Variants in MANBAL observed in about 807,000 individuals in gnomAD.
The protein encoded by MANBAL is mannosidase beta like.
In MANBAL, 1 loss-of-function variant was observed where a neutral mutation model predicts 6.4. The observed-to-expected ratio is 0.16, with a 90% CI of 0.06 to 0.74. MANBAL has a LOEUF of 0.74. Among genes scored for constraint, MANBAL ranks in the 30% least tolerant of loss-of-function variants. The pLI, the probability that MANBAL is intolerant of heterozygous loss-of-function variation, is 0.78. For synonymous variants in MANBAL, 47 were observed against 45.8 expected, an observed-to-expected ratio of 1.03 and a Z score of -0.10; for missense variants, 100 against 107.8, an observed-to-expected ratio of 0.93 and a Z score of 0.32.
At chr20:37,298,391 C>T (rs1185609632) in intron 1 of MANBAL, among the ~76,000 whole-genome samples, 1 of 152,110 alleles carries the variant, frequency 6.6e-6, no homozygotes, top group Non-Finnish European at 1.5e-5. Context: ...ACAATATCTC[C>T]CCATTTCCCT....
At chr20:37,291,348 C>G (rs947776641) in intron 1 of MANBAL, among the ~76,000 whole-genome samples, 1 of 152,132 alleles carries the variant, frequency 6.6e-6, no homozygotes, top group Non-Finnish European at 1.5e-5. Flanking sequence ...ACTTTATTCA[C>G]ATTTCCTTAG....
chr20:37,300,935 G>A (rs368435605), intron 1 of MANBAL, among the ~76,000 whole-genome samples: 2 of 152,106 alleles, frequency 1.3e-5, no homozygotes, highest in African/African-American at 4.8e-5. Context: ...CTGAGGTCAG[G>A]AGTTCAAGAC....
At chr20:37,307,073 G>T (rs1052910297) in intron 2 of MANBAL, among the ~76,000 whole-genome samples, 16 of 152,086 alleles carry the variant, frequency 1.1e-4, no homozygotes, top group African/African-American at 3.9e-4. Flanking sequence ...TGATCCTCCC[G>T]TCCTCTGCCT....
At chr20:37,291,632 C>G (rs889092075) in intron 1 of MANBAL, among the ~76,000 whole-genome samples, 1 of 152,142 alleles carries the variant, frequency 6.6e-6, no homozygotes, top group Non-Finnish European at 1.5e-5. Flanking sequence ...TGTCCCCACC[C>G]AAATCTCATC....
chr20:37,289,822 A>G (rs2068822365), intron 1 of MANBAL, 136 bp downstream of exon 1: 1 of 152,246 alleles, frequency 6.6e-6, no homozygotes, highest in Admixed American at 6.5e-5. Flanking sequence ...CAGGGCCTGA[A>G]TACGTTCCCT....
At chr20:37,293,167 A>G (rs1160456267) in intron 1 of MANBAL, among the ~76,000 whole-genome samples, 5 of 152,086 alleles carry the variant, frequency 3.3e-5, no homozygotes, top group Admixed American at 2.0e-4. Flanking sequence ...TGGTTTTGGG[A>G]TGATTCAAGT....
At chr20:37,306,827 T>C (rs539031170) in intron 2 of MANBAL, among the ~76,000 whole-genome samples, 1 of 152,318 alleles carries the variant, frequency 6.6e-6, no homozygotes, top group East Asian at 1.9e-4. Context: ...GATTAGAGAA[T>C]GACAGTGCCG....
chr20:37,292,717 G>A (rs1313731052), intron 1 of MANBAL, among the ~76,000 whole-genome samples: 2 of 152,206 alleles, frequency 1.3e-5, no homozygotes, highest in African/African-American at 4.8e-5. Context: ...TCTTCCACTT[G>A]GCTCCTGTAT....
intron 2 of MANBAL, among the ~76,000 whole-genome samples, chr20:37,312,184 TC>T (rs2069405568): frequency 6.6e-6 from 1 of 152,090 alleles, no homozygotes; most frequent in South Asian, 2.1e-4. Flanking sequence ...CACAGAAGAC[TC>T]CCTTCAGCTG....
At chr20:37,309,579 C>T (rs928004619) in intron 2 of MANBAL, among the ~76,000 whole-genome samples, 3 of 152,116 alleles carry the variant, frequency 2.0e-5, no homozygotes, top group African/African-American at 7.2e-5. Flanking sequence ...ATATGATGCC[C>T]GTGGAGACTT....
chr20:37,305,369 T>C (rs1321720657), intron 2 of MANBAL, among the ~76,000 whole-genome samples: 1 of 152,106 alleles, frequency 6.6e-6, no homozygotes, highest in Non-Finnish European at 1.5e-5. Context: ...TTGAAGCCCT[T>C]AGAAGTAAGC....
At chr20:37,302,437 TG>T in intron 2 of MANBAL, 2 of 1,296,406 alleles carry the variant, frequency 1.5e-6, no homozygotes, top group Non-Finnish European at 2.1e-6. Context: ...TGGGTTTAGG[TG>T]GTATCAGCTG....
chr20:37,307,965 C>T (rs988475369), intron 2 of MANBAL, among the ~76,000 whole-genome samples: 1 of 152,168 alleles, frequency 6.6e-6, no homozygotes, highest in Non-Finnish European at 1.5e-5. Context: ...GCCGCAGGGC[C>T]TCCGGAAGTG....
Position 37,313,680 on chromosome 20 carries a change from TG to T in MANBAL, c.151-2625del, listed in dbSNP as rs5841260. 7.4e-3 allele frequency among the ~76,000 whole-genome samples: 1,130 copies of T among 152,326 alleles called. 16 individuals carry two copies. The highest frequency in any genetic ancestry group is 0.025 in the African/African-American group (1,023 of 41,564). ...AATATCGAGCCACTGCACTCCAGCC[TG>T]GGCAAAAGAGTGAGACCTTGTCTTA... On this transcript the variant is annotated intron_variant, in intron 2 of 2. Coordinates refer to ENST00000373606, the MANE Select transcript of MANBAL (RefSeq NM_001003897.2).
rs535972982 is a variant in MANBAL at position 37,294,905 on chromosome 20, G to A, written c.-57+5219G>A. 1.3e-5 allele frequency among the ~76,000 whole-genome samples: 2 copies of A among 152,322 alleles called. 1 individual carries two copies. Among genetic ancestry groups the A allele is most frequent in the African/African-American group, 4.8e-5 (2 of 41,572 alleles). On this transcript the variant is annotated intron_variant, in intron 1 of 2. Transcript: ENST00000373606. ...TAATGTCTTACGTCACCAGTGTCTG[G>A]CATTCAGGGGTGAACTTCGCAGTGT...
At chr20:37,290,902 G>C (rs755269682) in intron 1 of MANBAL, among the ~76,000 whole-genome samples, 1 of 152,352 alleles carries the variant, frequency 6.6e-6, no homozygotes, top group Admixed American at 6.5e-5. Context: ...GAGCCACTGT[G>C]CCTGGCCTAA....
chr20:37,313,319 C>T lies in MANBAL; in HGVS notation c.151-2989C>T, dbSNP rs538390970. 4.1e-4 allele frequency among the ~76,000 whole-genome samples: 62 copies of T among 150,158 alleles called. No homozygotes were observed. In the South Asian group the frequency reaches 0.013, roughly 31 times the overall value. Reference sequence around the variant, plus strand: ...CCAGGAGGCGGAACTTGCAATGAGCCGAGATCGAGCCACTGCACTCCAGCC... The same window carrying T: ...CCAGGAGGCGGAACTTGCAATGAGCTGAGATCGAGCCACTGCACTCCAGCC... On this transcript the variant is annotated intron_variant, in intron 2 of 2. Transcript: ENST00000373606.
At chr20:37,308,353 G>A (rs1490200470) in intron 2 of MANBAL, among the ~76,000 whole-genome samples, 1 of 152,194 alleles carries the variant, frequency 6.6e-6, no homozygotes, top group Non-Finnish European at 1.5e-5. Context: ...GACCAGGAGA[G>A]TGTGGCCTCC....
At chr20:37,291,626 C>G (rs1480247933) in intron 1 of MANBAL, among the ~76,000 whole-genome samples, 1 of 152,012 alleles carries the variant, frequency 6.6e-6, no homozygotes, top group Non-Finnish European at 1.5e-5. Flanking sequence ...CGGCTGTGTC[C>G]CCACCCAAAT....
Sources: gnomAD v4.1 joint callset for allele counts (sites outside exome capture counted in the v4.1 genomes callset) on GRCh38, gnomAD v4.1.1 for gene constraint, MANE v1.5 for transcripts, NCBI Gene and HGNC (gene_info 2026-07-23, HGNC 2026-07-21) for gene names.